The following HDAC9 variants were observed in gnomAD, a reference collection of about 807,000 sequenced individuals.
HDAC9 encodes histone deacetylase 9.
In HDAC9, 41 loss-of-function variants were observed where a neutral mutation model predicts 139.4. The observed-to-expected ratio is 0.29, with a 90% CI of 0.23 to 0.38. The LOEUF (loss-of-function observed/expected upper bound fraction) is 0.38, where lower values mean the gene tolerates loss of function less well. HDAC9 is among the 10% of genes least tolerant of loss of function. The pLI is 1.00. For missense variants in HDAC9, 1,147 were observed against 1,297.0 expected (o/e 0.88, Z 1.78); for synonymous variants, 517 against 476.2 (o/e 1.09, Z -1.12).
intron 1 of HDAC9, chr7:18,395,169 A>T (rs922715329): frequency 2.6e-5 from 4 of 152,066 alleles, no homozygotes; most frequent in Non-Finnish European, 5.9e-5. Flanking sequence ...AACTGGAGGG[A>T]GGATGATAGT....
At chr7:18,947,548 C>G (rs568235047) in intron 23 of HDAC9, among the ~76,000 whole-genome samples, 2 of 151,998 alleles carry the variant, frequency 1.3e-5, no homozygotes, top group African/African-American at 4.8e-5. Context: ...CCTTGCAAGA[C>G]TGAATAAAAA....
rs573181397 is a variant in HDAC9 at position 18,931,291 on chromosome 7, T to C, written c.2804-4518T>C. 3.0e-3 allele frequency among the ~76,000 whole-genome samples: 453 copies of C among 152,264 alleles called. 4 individuals are homozygous for C. The highest frequency in any genetic ancestry group is 0.01 in the African/African-American group (433 of 41,558). On this transcript the variant is annotated intron_variant, in intron 22 of 25. Coordinates refer to ENST00000686413, the MANE Select transcript of HDAC9 (RefSeq NM_178425.4). ...TCTGAATGTTTATCATTCTTTTTAT[T>C]GTCATCCCGGTAATAAGGTAGTTTA... is the stretch of plus-strand genomic sequence containing the variant.
intron 6 of HDAC9, among the ~76,000 whole-genome samples, chr7:18,624,936 A>G (rs1841245936): frequency 6.6e-6 from 1 of 152,070 alleles, no homozygotes; most frequent in Admixed American, 6.5e-5. Context: ...AGAAACATTA[A>G]GTAGGGGCCT....
intron 6 of HDAC9, among the ~76,000 whole-genome samples, chr7:18,596,938 G>C (rs2239926): frequency 0.25 from 37,522 of 151,954 alleles, 4,793 homozygotes; most frequent in Non-Finnish European, 0.27. Flanking sequence ...GATTGAGATA[G>C]CCCTAGGATG....
At chr7:18,546,090 C>T (rs933832742) in intron 2 of HDAC9, among the ~76,000 whole-genome samples, 11 of 152,166 alleles carry the variant, frequency 7.2e-5, no homozygotes, top group Admixed American at 2.6e-4. Flanking sequence ...TTGAATATCT[C>T]CTAAATTTTT....
chr7:18,410,874 A>G (rs1433990796), intron 1 of HDAC9, among the ~76,000 whole-genome samples: 1 of 152,188 alleles, frequency 6.6e-6, no homozygotes, highest in Non-Finnish European at 1.5e-5. Flanking sequence ...TAGCTTTACA[A>G]ATAATTCACC....
intron 11 of HDAC9, among the ~76,000 whole-genome samples, chr7:18,649,762 C>A (rs545240131): frequency 1.3e-5 from 2 of 152,016 alleles, no homozygotes; most frequent in African/African-American, 4.8e-5. Flanking sequence ...TGGCCTCCAT[C>A]GTAACAAGGG....
chr7:18,593,127 A>G (rs1394158281), intron 5 of HDAC9, among the ~76,000 whole-genome samples: 3 of 152,136 alleles, frequency 2.0e-5, no homozygotes, highest in East Asian at 1.9e-4. Flanking sequence ...TAGAAGAAAT[A>G]TCCTTAAACC....
Position 18,764,486 on chromosome 7 carries a change from C to T in HDAC9, c.2164+2209C>T, listed in dbSNP as rs572444025. 5.3e-5 allele frequency among the ~76,000 whole-genome samples: 8 copies of T among 152,270 alleles called. 1 individual carries two copies. Among genetic ancestry groups the T allele is most frequent in the African/African-American group, 1.7e-4 (7 of 41,566 alleles). ...CAACACTTCAAAACTACTTCTCTTTCCCTAGTGTATCCAAAAGTTTAGCTA... is the reference window on the plus strand; with the variant it reads ...CAACACTTCAAAACTACTTCTCTTTTCCTAGTGTATCCAAAAGTTTAGCTA... On this transcript the variant is annotated intron_variant, in intron 15 of 25. Coordinates refer to ENST00000686413, the MANE Select transcript of HDAC9 (RefSeq NM_178425.4).
In HDAC9 at chr7:18,179,550, C is replaced by G. The variant is rs572519567; in HGVS notation, c.25+17201C>G. ...TTTTGCTTCTACCTCTCTTATATTTCTTTCCATTCTCTACCCTCCCTCTCC... is the reference window on the plus strand; with the variant it reads ...TTTTGCTTCTACCTCTCTTATATTTGTTTCCATTCTCTACCCTCCCTCTCC... On this transcript the variant is annotated intron_variant, in intron 2 of 12. Transcript: ENST00000417496. 1.4e-3 allele frequency among the ~76,000 whole-genome samples: 211 copies of G among 152,206 alleles called. 1 individual carries two copies. Among genetic ancestry groups the G allele is most frequent in the South Asian group, 9.9e-3 (48 of 4,832 alleles).
intron 13 of HDAC9, among the ~76,000 whole-genome samples, chr7:18,734,811 C>T (rs528914327): frequency 5.8e-4 from 88 of 152,338 alleles, no homozygotes; most frequent in Non-Finnish European, 1.1e-3. Flanking sequence ...GGAATCGCCA[C>T]ACTGTGTTCC....
intron 1 of HDAC9, among the ~76,000 whole-genome samples, chr7:18,314,520 T>A (rs111802081): frequency 6.6e-6 from 1 of 152,350 alleles, no homozygotes; most frequent in Non-Finnish European, 1.5e-5. Context: ...GTAATAACTT[T>A]CCTTTTATCT....
At chr7:18,148,359 C>T (rs1482383675) in intron 1 of HDAC9, among the ~76,000 whole-genome samples, 3 of 152,200 alleles carry the variant, frequency 2.0e-5, no homozygotes, top group Non-Finnish European at 4.4e-5. Flanking sequence ...CCTGCATCTT[C>T]AGCAGGACTG....
chr7:18,973,051 A>G (rs1038108616), intron 24 of HDAC9, among the ~76,000 whole-genome samples: 3 of 152,196 alleles, frequency 2.0e-5, no homozygotes, highest in Admixed American at 6.5e-5. Context: ...GGAAGAGGCA[A>G]TTTAAAATTA....
At chr7:18,382,309 T>C (rs1314505553) in intron 1 of HDAC9, among the ~76,000 whole-genome samples, 1 of 152,176 alleles carries the variant, frequency 6.6e-6, no homozygotes, top group Non-Finnish European at 1.5e-5. Context: ...ACATTTTTAG[T>C]AAAAAATAAG....
At chr7:18,658,913 A>C (rs902159568) in intron 11 of HDAC9, among the ~76,000 whole-genome samples, 1 of 148,696 alleles carries the variant, frequency 6.7e-6, no homozygotes, top group Non-Finnish European at 1.5e-5. Context: ...AAAAAAAAAA[A>C]CAAAACAACA....
At chr7:18,429,087 A>T (rs1232194993) in intron 1 of HDAC9, 2 of 152,068 alleles carry the variant, frequency 1.3e-5, no homozygotes, top group African/African-American at 4.8e-5. Context: ...TGCTTTCTCC[A>T]CAGTCCTTAT....
intron 13 of HDAC9, among the ~76,000 whole-genome samples, chr7:18,742,194 T>C (rs969005001): frequency 1.6e-4 from 24 of 152,198 alleles, no homozygotes; most frequent in African/African-American, 5.8e-4. Flanking sequence ...CAGCATTCCA[T>C]GCTACAGAGA....
chr7:18,857,792 A>G (rs1287925954), intron 21 of HDAC9, among the ~76,000 whole-genome samples: 1 of 152,146 alleles, frequency 6.6e-6, no homozygotes, highest in African/African-American at 2.4e-5. Flanking sequence ...GAAAAAATCT[A>G]TGAAAAGACA....
Sources: allele counts gnomAD v4.1 joint callset (sites outside exome capture counted in the v4.1 genomes callset), GRCh38; gene constraint gnomAD v4.1.1; transcripts MANE v1.5; gene names NCBI Gene and HGNC (gene_info 2026-07-23, HGNC 2026-07-21).